The following MSRB3 variants were observed in gnomAD, a reference collection of about 807,000 sequenced individuals.
MSRB3 encodes methionine-R-sulfoxide reductase B3.
MSRB3 carries 13 observed loss-of-function variants against 21.0 expected under a neutral mutation model. The observed-to-expected ratio is 0.62, with a 90% confidence interval of 0.40 to 0.98. MSRB3 has a LOEUF of 0.98. MSRB3 is among the 50% of genes least tolerant of loss of function. The probability of loss-of-function intolerance (pLI) is 0.00; values close to 1 mark genes in which losing one functional copy is unlikely to be tolerated. For missense variants in MSRB3, 199 were observed against 230.3 expected, an observed-to-expected ratio of 0.86 and a Z score of 0.88; for synonymous variants, 87 against 88.6, an observed-to-expected ratio of 0.98 and a Z score of 0.10.
In MSRB3 at chr12:65,278,830, TCTGC is replaced by T; in HGVS notation, c.-83_-80del. 1 of 1,568,376 alleles carries T rather than the reference TCTGC, an allele frequency of 6.4e-7. No homozygotes were observed. The highest frequency in any genetic ancestry group is 8.6e-7 in the Non-Finnish European group (1 of 1,156,696). On this transcript the variant is annotated 5_prime_UTR_variant, in exon 1 of 7. It removes the in-frame stop codon of an upstream open reading frame in the 5' UTR. Transcript: ENST00000308259. ...CTCTGCCTCTCCCTCTGCCTCTGCC[TCTGC>T]CTGGCCGCGGCTCTGGGAAGTGCGC... is the stretch of plus-strand genomic sequence containing the variant.
intron 2 of MSRB3, among the ~76,000 whole-genome samples, chr12:65,317,973 A>T (rs1184426881): frequency 6.6e-6 from 1 of 152,180 alleles, no homozygotes; most frequent in Admixed American, 6.5e-5. Context: ...GGTGCTGAGG[A>T]TGCAAAGATG....
chr12:65,451,969 A>G (rs1882877136), intron 5 of MSRB3, among the ~76,000 whole-genome samples: 1 of 152,228 alleles, frequency 6.6e-6, no homozygotes, highest in Admixed American at 6.5e-5. Flanking sequence ...GTAAGGGAGG[A>G]AAGCATGAAA....
At chr12:65,383,878 C>T (rs185398842) in intron 5 of MSRB3, among the ~76,000 whole-genome samples, 2,758 of 152,112 alleles carry the variant, frequency 0.018, 92 homozygotes, top group African/African-American at 0.063. Context: ...AGGCTGGTCT[C>T]GAACTCCTGA....
intron 4 of MSRB3, among the ~76,000 whole-genome samples, chr12:65,339,303 T>C (rs1352765110): frequency 6.6e-6 from 1 of 152,196 alleles, no homozygotes; most frequent in Non-Finnish European, 1.5e-5. Context: ...TCTTCTGCAC[T>C]TGTGACAAAC....
At chr12:65,367,882 T>C (rs1468455581) in intron 4 of MSRB3, among the ~76,000 whole-genome samples, 1 of 145,456 alleles carries the variant, frequency 6.9e-6, no homozygotes, top group East Asian at 2.0e-4. Flanking sequence ...GTATTACATA[T>C]TACACATATA....
intron 5 of MSRB3, chr12:65,419,230 C>A: frequency 1.4e-6 from 1 of 721,498 alleles, no homozygotes; most frequent in South Asian, 1.4e-5. Flanking sequence ...CAGCCCTTCT[C>A]AGTTCTTCCG....
At chr12:65,354,221 G>C (rs559808842) in intron 4 of MSRB3, among the ~76,000 whole-genome samples, 1 of 151,932 alleles carries the variant, frequency 6.6e-6, no homozygotes, top group African/African-American at 2.4e-5. Context: ...TGCTCTTCTC[G>C]AAGAGTATCT....
chr12:65,316,191 C>T (rs2136433841), intron 2 of MSRB3: 1 of 152,208 alleles, frequency 6.6e-6, no homozygotes, highest in East Asian at 1.9e-4. Context: ...TATTCTGCAT[C>T]TGTAAACTGA....
intron 5 of MSRB3, among the ~76,000 whole-genome samples, chr12:65,403,834 C>A (rs1259214497): frequency 6.6e-6 from 1 of 152,166 alleles, no homozygotes; most frequent in African/African-American, 2.4e-5. Flanking sequence ...CGCAGTCCCT[C>A]ATGGCTTCCC....
Position 65,463,371 on chromosome 12 carries a change from A to T in MSRB3, c.*49A>T, listed in dbSNP as rs901998272. 1.9e-6 allele frequency: 3 copies of T among 1,596,572 alleles called. No individual in the cohort carries two copies. The highest frequency in any genetic ancestry group is 2.6e-6 in the Non-Finnish European group (3 of 1,168,298). On this transcript the variant is annotated 3_prime_UTR_variant, in exon 7 of 7. Transcript: ENST00000308259. The stretch of plus-strand genomic sequence containing the variant: ...AAGTGTACTTAATGCACAGCTTATT[A>T]AAAAAATCAAAATTGTTATCTTAAT...
intron 6 of MSRB3, among the ~76,000 whole-genome samples, chr12:65,459,992 C>T (rs1380089482): frequency 6.6e-6 from 1 of 152,170 alleles, no homozygotes; most frequent in Non-Finnish European, 1.5e-5. Flanking sequence ...TTCTTTTGAA[C>T]AATCATCTGA....
chr12:65,376,584 A>G (rs1039982727), intron 5 of MSRB3, among the ~76,000 whole-genome samples: 4 of 152,254 alleles, frequency 2.6e-5, no homozygotes, highest in Middle Eastern at 3.4e-3. Flanking sequence ...ACAGGAACAG[A>G]AAACCAAACA....
intron 5 of MSRB3, among the ~76,000 whole-genome samples, chr12:65,388,817 C>T (rs1236658766): frequency 6.6e-6 from 1 of 152,070 alleles, no homozygotes; most frequent in East Asian, 1.9e-4. Flanking sequence ...GGCTGCAGTG[C>T]GCCATGATCG....
intron 4 of MSRB3, among the ~76,000 whole-genome samples, chr12:65,367,680 G>A (rs1878088235): frequency 6.6e-6 from 1 of 152,162 alleles, no homozygotes; most frequent in African/African-American, 2.4e-5. Context: ...CATGAGACAA[G>A]GCTTTGCAGA....
chr12:65,405,151 C>T (rs1366540452), intron 5 of MSRB3, among the ~76,000 whole-genome samples: 1 of 151,918 alleles, frequency 6.6e-6, no homozygotes, highest in Non-Finnish European at 1.5e-5. Context: ...TGGGTTTCAC[C>T]ATGTTGACCA....
intron 6 of MSRB3, among the ~76,000 whole-genome samples, chr12:65,461,544 A>G (rs890584392): frequency 2.0e-5 from 3 of 152,250 alleles, no homozygotes; most frequent in Non-Finnish European, 4.4e-5. Context: ...TGGAAGTGCC[A>G]TACAGTCAAA....
At chr12:65,305,398 G>A (rs564339939) in intron 1 of MSRB3, among the ~76,000 whole-genome samples, 2 of 152,128 alleles carry the variant, frequency 1.3e-5, no homozygotes, top group African/African-American at 2.4e-5. Flanking sequence ...TTACATGTTC[G>A]TCATACTACC....
At chr12:65,452,469 A>G (rs981590946) in intron 5 of MSRB3, among the ~76,000 whole-genome samples, 4 of 152,160 alleles carry the variant, frequency 2.6e-5, no homozygotes, top group Non-Finnish European at 5.9e-5. Context: ...AGAAAATGGG[A>G]AGAAATTCAT....
chr12:65,351,875 A>G (rs1043324337), intron 4 of MSRB3, among the ~76,000 whole-genome samples: 2 of 152,200 alleles, frequency 1.3e-5, no homozygotes, highest in Non-Finnish European at 2.9e-5. Flanking sequence ...GCCGAATTCT[A>G]TCAGAGGTAC....
Sources: allele counts gnomAD v4.1 joint callset (sites outside exome capture counted in the v4.1 genomes callset), GRCh38; gene constraint gnomAD v4.1.1; transcripts MANE v1.5; gene names NCBI Gene and HGNC (gene_info 2026-07-23, HGNC 2026-07-21).